Variants in GABRB3 observed in about 807,000 individuals in gnomAD.
GABRB3 encodes the protein gamma-aminobutyric acid type A receptor subunit beta3.
A neutral mutation model predicts 52.1 loss-of-function variants in GABRB3; 14 were observed. The ratio of observed to expected loss-of-function variants is 0.27; its 90% CI spans 0.18 to 0.42. GABRB3 has a LOEUF of 0.42. GABRB3 is among the 10% of genes least tolerant of loss of function. GABRB3 has a pLI of 1.00. For missense variants in GABRB3, 307 were observed against 609.1 expected, an observed-to-expected ratio of 0.50 and a Z score of 5.22; for synonymous variants, 260 against 232.3, an observed-to-expected ratio of 1.12 and a Z score of -1.08.
At chr15:26,587,390 TAGA>T (rs1165650379) in intron 4 of GABRB3, among the ~76,000 whole-genome samples, 4 of 152,018 alleles carry the variant, frequency 2.6e-5, no homozygotes, top group African/African-American at 4.8e-5. Context: ...ACCATCAAGA[TAGA>T]AGAAGTAGCT....
At chr15:26,641,668 C>T (rs151195612) in intron 3 of GABRB3, among the ~76,000 whole-genome samples, 23 of 152,278 alleles carry the variant, frequency 1.5e-4, no homozygotes, top group East Asian at 1.9e-4. Context: ...CTTACCATGC[C>T]GACACTACTC....
chr15:26,654,834 A>C (rs1249677229), intron 3 of GABRB3, among the ~76,000 whole-genome samples: 1 of 151,570 alleles, frequency 6.6e-6, no homozygotes, highest in Admixed American at 6.6e-5. Context: ...TTTTGGTTTT[A>C]GTTTTGCCTT....
intron 4 of GABRB3, among the ~76,000 whole-genome samples, chr15:26,602,526 T>C (rs992869826): frequency 6.6e-6 from 1 of 152,036 alleles, no homozygotes; most frequent in Non-Finnish European, 1.5e-5. Context: ...AAACCAAGTT[T>C]AAAACGTTGA....
chr15:26,602,732 C>T (rs1891634992), intron 4 of GABRB3, among the ~76,000 whole-genome samples: 1 of 152,082 alleles, frequency 6.6e-6, no homozygotes, highest in South Asian at 2.1e-4. Flanking sequence ...GGGAACACAA[C>T]ATACCAAAAC....
At chr15:26,622,426 A>G (rs2315906) in intron 3 of GABRB3, among the ~76,000 whole-genome samples, 54,994 of 152,094 alleles carry the variant, frequency 0.36, 10,644 homozygotes, top group Middle Eastern at 0.47. Flanking sequence ...CTAAAAATCT[A>G]GTGATATTCA....
chr15:26,731,665 T>A (rs1889918846), intron 3 of GABRB3, among the ~76,000 whole-genome samples: 1 of 152,218 alleles, frequency 6.6e-6, no homozygotes, highest in Non-Finnish European at 1.5e-5. Context: ...ACTCTGCATT[T>A]TTATTTCTGC....
At chr15:26,573,253 A>T (rs993885642) in intron 6 of GABRB3, among the ~76,000 whole-genome samples, 1 of 152,176 alleles carries the variant, frequency 6.6e-6, no homozygotes, top group African/African-American at 2.4e-5. Context: ...TTCATTTATT[A>T]TCTATCTTTT....
intron 3 of GABRB3, among the ~76,000 whole-genome samples, chr15:26,749,127 T>G (rs112670342): frequency 5.3e-4 from 81 of 151,430 alleles, no homozygotes; most frequent in African/African-American, 1.1e-3. Context: ...AATTTGAGAG[T>G]TTTTTTTTCT....
intron 3 of GABRB3, among the ~76,000 whole-genome samples, chr15:26,679,270 C>G (rs1457867756): frequency 3.9e-5 from 6 of 152,196 alleles, no homozygotes; most frequent in Admixed American, 1.3e-4. Context: ...AGCAATGTGG[C>G]TACACTGTCC....
chr15:26,751,261 C>T (rs1381136076), intron 3 of GABRB3, among the ~76,000 whole-genome samples: 1 of 152,156 alleles, frequency 6.6e-6, no homozygotes, highest in Non-Finnish European at 1.5e-5. Context: ...TTTTACTATC[C>T]ATGTTAATCA....
At chr15:26,642,316 C>T (rs186551811) in intron 3 of GABRB3, 2 of 354,320 alleles carry the variant, frequency 5.6e-6, no homozygotes, top group African/African-American at 4.3e-5. Flanking sequence ...TTCCACAGGA[C>T]TGACTATGGG....
At chr15:26,612,891 AC>A (rs1208922840) in intron 4 of GABRB3, 1 of 152,158 alleles carries the variant, frequency 6.6e-6, no homozygotes, top group Non-Finnish European at 1.5e-5. Flanking sequence ...AGGCTGGAGG[AC>A]TGCTTGAAGC....
chr15:26,721,736 C>A (rs1185634814), intron 3 of GABRB3, among the ~76,000 whole-genome samples: 2 of 151,774 alleles, frequency 1.3e-5, no homozygotes, highest in African/African-American at 4.8e-5. Flanking sequence ...ATAGAGCCCA[C>A]CTCAAATGTC....
intron 3 of GABRB3, among the ~76,000 whole-genome samples, chr15:26,733,077 C>G (rs1889976651): frequency 1.3e-5 from 2 of 151,958 alleles, no homozygotes; most frequent in Non-Finnish European, 2.9e-5. Flanking sequence ...AATTTTTCTT[C>G]TAAGATCAGG....
intron 4 of GABRB3, among the ~76,000 whole-genome samples, chr15:26,606,551 C>G (rs1223860281): frequency 6.6e-6 from 1 of 152,052 alleles, no homozygotes; most frequent in African/African-American, 2.4e-5. Context: ...ACATTATACT[C>G]AATGGTAAAA....
At chr15:26,670,069 G>A (rs1048955726) in intron 3 of GABRB3, among the ~76,000 whole-genome samples, 3 of 152,364 alleles carry the variant, frequency 2.0e-5, no homozygotes, top group Admixed American at 6.5e-5. Context: ...GCCACGTGAA[G>A]GGAGCTGCTC....
At chr15:26,552,000 A>T (rs941463654) in intron 8 of GABRB3, among the ~76,000 whole-genome samples, 1 of 151,946 alleles carries the variant, frequency 6.6e-6, no homozygotes, top group African/African-American at 2.4e-5. Context: ...ACCTTGGTGA[A>T]ATTTTGACTT....
At chr15:26,680,626 G>A (rs1489897842) in intron 3 of GABRB3, among the ~76,000 whole-genome samples, 7 of 152,160 alleles carry the variant, frequency 4.6e-5, no homozygotes, top group Admixed American at 4.6e-4. Flanking sequence ...TTTACCGCAT[G>A]ATTAAAAGCA....
intron 3 of GABRB3, among the ~76,000 whole-genome samples, chr15:26,712,232 T>C (rs1297132548): frequency 6.6e-6 from 1 of 152,054 alleles, no homozygotes; most frequent in Non-Finnish European, 1.5e-5. Context: ...CAGGCTGGTC[T>C]TGAACTCCTG....
Sources: gnomAD v4.1 joint callset for allele counts (sites outside exome capture counted in the v4.1 genomes callset) on GRCh38, gnomAD v4.1.1 for gene constraint, MANE v1.5 for transcripts, NCBI Gene and HGNC (gene_info 2026-07-23, HGNC 2026-07-21) for gene names.